Variants in SERPINA11 observed in about 807,000 individuals in gnomAD.
The protein encoded by SERPINA11 is serpin family A member 11, also known as serpin A11.
Under a neutral mutation model 29.4 loss-of-function variants are expected in SERPINA11, and 28 were observed. The ratio of observed to expected loss-of-function variants is 0.95; its 90% confidence interval spans 0.70 to 1.30. The LOEUF is 1.30. SERPINA11 is among the 50% of genes most tolerant of loss of function. The pLI is 0.00. For missense variants in SERPINA11, 530 were observed against 507.3 expected (o/e 1.04, Z -0.43); for synonymous variants, 253 against 206.6 (o/e 1.22, Z -1.92).
At position 94,442,835 on chromosome 14, in the gene SERPINA11, A is replaced by G. The variant is rs1448213322; in HGVS notation, c.1066-26T>C. 3 of 1,566,926 alleles carry G rather than the reference A, an allele frequency of 1.9e-6. No homozygotes were observed. The Admixed American group carries it at 5.4e-5, about 28-fold the overall frequency. On this transcript the variant is annotated intron_variant, in intron 4 of 4. Transcript: ENST00000334708. ...CTAGAGGACAAGAGGAGATGAAGACAGCATCAGTTTGGGGGCCTTCAAGGG... is the reference window on the plus strand; with the variant it reads ...CTAGAGGACAAGAGGAGATGAAGACGGCATCAGTTTGGGGGCCTTCAAGGG...
At chr14:94,446,734 C>A (rs997235940) in intron 2 of SERPINA11, 130 bp from the exon 3 acceptor site, 9 of 852,154 alleles carry the variant, frequency 1.1e-5, no homozygotes, top group Non-Finnish European at 1.6e-5. Flanking sequence ...GGTTACAGAG[C>A]CAGGAGACCA....
chr14:94,452,648 C>CACACACACACACAG (rs1231099390), intron 1 of SERPINA11, 81 bp downstream of exon 1: 4 of 144,144 alleles, frequency 2.8e-5, no homozygotes, highest in East Asian at 4.3e-4. Flanking sequence ...CACACACACA[C>CACACACACACACAG]AGAGACAGAG....
At chr14:94,442,991 A>T (rs1355945625) in intron 4 of SERPINA11, 87 bp downstream of exon 4, 28 of 1,466,770 alleles carry the variant, frequency 1.9e-5, no homozygotes, top group Non-Finnish European at 2.6e-5. Context: ...AGAACAAGGA[A>T]CTTGACTTTT....
At chr14:94,446,223 T>C (rs1898434389) in intron 3 of SERPINA11, 108 bp downstream of exon 3, 2 of 1,056,538 alleles carry the variant, frequency 1.9e-6, no homozygotes, top group Admixed American at 4.5e-5. Flanking sequence ...AAGGACAAGA[T>C]GGTGAGCCTA....
At position 94,448,380 on chromosome 14, in the gene SERPINA11, T is replaced by C. The variant is rs754289873; in HGVS notation, c.395A>G (p.Lys132Arg). The change falls in exon 2 of 5, where the codon AAA becomes AGA. Residue 132 changes from lysine (K) to arginine (R), a missense_variant. Lys to Arg is a conservative substitution (Grantham distance 26). Coordinates refer to ENST00000334708, the MANE Select transcript of SERPINA11 (RefSeq NM_001080451.2). ...LLHTLALPSP[K>R]LELKVGNSLF... is the part of the protein sequence containing the mutation. ...GGAGTTTCCTACTTTTAGTTCGAGT[T>C]TGGGGCTGGGCAGGGCAAGGGTGTG... 8 of 1,614,132 alleles carry C rather than the reference T, an allele frequency of 5.0e-6. No individual in the cohort carries two copies. Among genetic ancestry groups the C allele is most frequent in the Non-Finnish European group, 6.8e-6 (8 of 1,180,024 alleles).
At chr14:94,452,644 CACACAG>C (rs1898609741) in intron 1 of SERPINA11, 79 bp downstream of exon 1, 1 of 134,464 alleles carries the variant, frequency 7.4e-6, no homozygotes, top group South Asian at 2.5e-4. Context: ...CACACACACA[CACACAG>C]AGACAGAGAG....
At chr14:94,444,225 G>A (rs762542157) in intron 3 of SERPINA11, among the ~76,000 whole-genome samples, 73 of 152,300 alleles carry the variant, frequency 4.8e-4, no homozygotes, top group Non-Finnish European at 5.9e-5. Context: ...AAAACACAGT[G>A]GATGTTTAAC....
At chr14:94,446,719 G>T in intron 2 of SERPINA11, 115 bp from the exon 3 acceptor site, 1 of 1,060,874 alleles carries the variant, frequency 9.4e-7, no homozygotes, top group Non-Finnish European at 1.4e-6. Context: ...CAAAAAATGT[G>T]GAATGGTTAC....
Position 94,449,547 on chromosome 14 carries a change from TTC to T in SERPINA11, c.-3-772_-3-771del, listed in dbSNP as rs1311607269. On this transcript the variant is annotated intron_variant, in intron 1 of 4. Coordinates refer to ENST00000334708, the MANE Select transcript of SERPINA11 (RefSeq NM_001080451.2). Reference sequence around the variant, plus strand: ...TTTCTTTTTCTTTCTTTCTTTCTCTTTCTCTTTCTTTCTTTCTTTCCTTCCTT... The same window carrying T: ...TTTCTTTTTCTTTCTTTCTTTCTCTTTCTTTCTTTCTTTCTTTCCTTCCTT... 3.1e-4 allele frequency among the ~76,000 whole-genome samples: 44 copies of T among 142,830 alleles called. 2 individuals carry two copies. In the South Asian group the frequency reaches 3.9e-3, roughly 13 times the overall value. 93.7% of individuals were successfully genotyped at this position (142,830 alleles called of 152,430 possible).
At chr14:94,447,832 C>T (rs1201649656) in intron 2 of SERPINA11, among the ~76,000 whole-genome samples, 2 of 152,210 alleles carry the variant, frequency 1.3e-5, no homozygotes, top group Non-Finnish European at 2.9e-5. Flanking sequence ...ATACTACTCA[C>T]TCTCATGTCT....
rs765211200 is a variant in SERPINA11 at position 94,448,650 on chromosome 14, T to A, written c.125A>T (p.Glu42Val). 2.5e-6 allele frequency: 4 copies of A among 1,596,856 alleles called. No individual in the cohort carries two copies. The highest frequency in any genetic ancestry group is 3.4e-6 in the Non-Finnish European group (4 of 1,170,216). ...GPQPPRHQLS[E>V]PAPAYHRITP... ...GATTCTGTGGTAGGCGGGGGCTGGC[T>A]CTGAGAGCTGATGCCTGGGGGGTTG... Residue 42 changes from glutamate (E) to valine (V), a missense_variant, in exon 2 of 5, where the codon GAG becomes GTG. Transcript: ENST00000334708.
chr14:94,449,893 C>A (rs531473334), intron 1 of SERPINA11, among the ~76,000 whole-genome samples: 1 of 152,250 alleles, frequency 6.6e-6, no homozygotes, highest in South Asian at 2.1e-4. Flanking sequence ...TATGATCCTG[C>A]CCATTGGAAA....
intron 3 of SERPINA11, among the ~76,000 whole-genome samples, chr14:94,444,303 C>T (rs1277225600): frequency 6.6e-6 from 1 of 152,102 alleles, no homozygotes; most frequent in African/African-American, 2.4e-5. Context: ...AGCTAACCTG[C>T]CTCACATCTG....
chr14:94,444,258 G>A (rs761607213), intron 3 of SERPINA11, among the ~76,000 whole-genome samples: 19 of 152,138 alleles, frequency 1.2e-4, no homozygotes, highest in Non-Finnish European at 2.2e-4. Flanking sequence ...ATACATACAC[G>A]AATGGTGTGC....
intron 1 of SERPINA11, among the ~76,000 whole-genome samples, chr14:94,449,482 T>TTTCC (rs1898540972): frequency 1.1e-5 from 1 of 94,586 alleles, no homozygotes; most frequent in African/African-American, 9.0e-5. Context: ...TCTTTCTTTC[T>TTTCC]GTCTGTCTGT....
At chr14:94,449,477 CTTTCT>C (rs1898539263) in intron 1 of SERPINA11, among the ~76,000 whole-genome samples, 2 of 105,550 alleles carry the variant, frequency 1.9e-5, no homozygotes, top group Non-Finnish European at 3.5e-5. Flanking sequence ...TTCTTTCTTT[CTTTCT>C]GTCTGTCTGT....
chr14:94,448,495 T>C lies in SERPINA11; in HGVS notation c.280A>G (p.Asn94Asp), dbSNP rs1400657895. 1.9e-6 allele frequency: 3 copies of C among 1,614,042 alleles called. No individual in the cohort carries two copies. Among genetic ancestry groups the C allele is most frequent in the South Asian group, 2.2e-5 (2 of 91,070 alleles). ...CCCTCCAGGATCAGAGCTGAGGTGTTAGCTTGGGCCCCAAGAGAGAGCAGG... is the reference window on the plus strand; with the variant it reads ...CCCTCCAGGATCAGAGCTGAGGTGTCAGCTTGGGCCCCAAGAGAGAGCAGG... Reference protein sequence around the residue: ...LALLSLGAQANTSALILEGLG... With the variant: ...LALLSLGAQADTSALILEGLG... The change falls in exon 2 of 5, where the codon AAC (asparagine) becomes GAC (aspartate). Residue 94 changes from asparagine (N) to aspartate (D), a missense_variant. Physicochemically the swap from Asn to Asp is conservative, Grantham distance 23. Transcript: ENST00000334708.
rs1273250303 is a variant in SERPINA11 at position 94,446,360 on chromosome 14, C to T, written c.888G>A (p.Leu296=). 2 of 1,613,596 alleles carry T rather than the reference C, an allele frequency of 1.2e-6. No homozygotes were observed. The highest frequency in any genetic ancestry group is 1.7e-6 in the Non-Finnish European group (2 of 1,180,012). Residue 296 remains leucine (L), a synonymous_variant, in exon 3 of 5, where the codon CTG becomes CTA. Coordinates refer to ENST00000334708, the MANE Select transcript of SERPINA11 (RefSeq NM_001080451.2). ...GCAGGAGCAATTGGCCCCATTTTCT[C>T]AGGGTCTGTGGCTGCAGAGCAGCCT... ...QVEAALQPQT[L]RKWGQLLLPS...
At chr14:94,446,681 A>G in intron 2 of SERPINA11, 77 bp from the exon 3 acceptor site, 1 of 1,427,450 alleles carries the variant, frequency 7.0e-7, no homozygotes, top group Non-Finnish European at 9.5e-7. Context: ...ACAAAACCAC[A>G]GTTCCTCTTG....
Sources: allele counts gnomAD v4.1 joint callset (sites outside exome capture counted in the v4.1 genomes callset), GRCh38; gene constraint gnomAD v4.1.1; transcripts MANE v1.5; gene names NCBI Gene and HGNC (gene_info 2026-07-23, HGNC 2026-07-21).